Variants in PTPRJ observed in about 807,000 individuals in gnomAD.
The protein encoded by PTPRJ is receptor-type tyrosine-protein phosphatase eta.
PTPRJ carries 129 observed loss-of-function variants against 141.3 expected under a neutral mutation model. The ratio of observed to expected loss-of-function variants is 0.91; its 90% CI spans 0.79 to 1.06. The LOEUF (loss-of-function observed/expected upper bound fraction) is 1.06, where lower values mean the gene tolerates loss of function less well. Among genes scored for constraint, PTPRJ ranks in the 50% least tolerant of loss-of-function variants. The pLI is 0.00. For synonymous variants in PTPRJ, 610 were observed against 640.5 expected (o/e 0.95, Z 0.72); for missense variants, 1,601 against 1,679.7 (o/e 0.95, Z 0.82).
intron 1 of PTPRJ, among the ~76,000 whole-genome samples, chr11:48,093,957 A>G (rs1855937692): frequency 6.6e-6 from 1 of 152,240 alleles, no homozygotes; most frequent in African/African-American, 2.4e-5. Flanking sequence ...AAAGCCCAGC[A>G]TTAACTGCTG....
chr11:48,086,851 T>C (rs556347862), intron 1 of PTPRJ, among the ~76,000 whole-genome samples: 5 of 152,352 alleles, frequency 3.3e-5, no homozygotes, highest in Admixed American at 6.5e-5. Flanking sequence ...CCATGAAATA[T>C]GTTCAGTCTG....
At chr11:48,044,334 T>A (rs1854339517) in intron 1 of PTPRJ, among the ~76,000 whole-genome samples, 1 of 152,094 alleles carries the variant, frequency 6.6e-6, no homozygotes, top group African/African-American at 2.4e-5. Flanking sequence ...AGGGCCACTG[T>A]ATGGTTGGGC....
At chr11:48,142,167 T>C (rs1453297270) in intron 11 of PTPRJ, among the ~76,000 whole-genome samples, 1 of 152,168 alleles carries the variant, frequency 6.6e-6, no homozygotes. Context: ...TATGTGAGAG[T>C]TTAATTCTGG....
At chr11:48,001,044 C>G (rs1348591957) in intron 1 of PTPRJ, among the ~76,000 whole-genome samples, 1 of 143,640 alleles carries the variant, frequency 7.0e-6, no homozygotes, top group South Asian at 2.2e-4. Flanking sequence ...CGCCCAGGCT[C>G]GAGTACAGTG....
intron 1 of PTPRJ, among the ~76,000 whole-genome samples, chr11:48,097,663 G>A (rs1168879950): frequency 6.6e-6 from 1 of 151,702 alleles, no homozygotes; most frequent in African/African-American, 2.4e-5. Context: ...TCAGCCTCCC[G>A]AGTAGCTGGG....
chr11:48,111,432 T>G (rs1459204462), intron 2 of PTPRJ, among the ~76,000 whole-genome samples: 1 of 151,880 alleles, frequency 6.6e-6, no homozygotes, highest in Non-Finnish European at 1.5e-5. Context: ...AATCTCAGTT[T>G]GTGAGATAAA....
chr11:48,009,292 A>G (rs1331241861), intron 1 of PTPRJ, among the ~76,000 whole-genome samples: 1 of 152,232 alleles, frequency 6.6e-6, no homozygotes, highest in East Asian at 1.9e-4. Flanking sequence ...AAAGTAAAGT[A>G]TAAACCTAAT....
rs777464558 is a variant in PTPRJ at position 48,123,684 on chromosome 11, G to A, written c.688G>A (p.Gly230Ser). The A allele has an allele frequency of 6.2e-7, 1 of 1,614,016 alleles. No homozygotes were observed. Among genetic ancestry groups the A allele is most frequent in the Non-Finnish European group, 8.5e-7 (1 of 1,180,014 alleles). ...GAAGGCTGCTCTCTCCTGGAGCAAT[G>A]GCAATGGCACTGCCTCCTGCCGGGT... ...VRKAALSWSN[G>S]NGTASCRVLL... The change falls in exon 5 of 25, where the codon GGC (glycine) becomes AGC (serine). Residue 230 changes from glycine to serine, a missense_variant. By Grantham distance (56) the Gly-to-Ser change is moderately conservative. Transcript: ENST00000418331.
intron 24 of PTPRJ, among the ~76,000 whole-genome samples, chr11:48,165,684 G>T (rs542748517): frequency 1.3e-5 from 2 of 152,066 alleles, no homozygotes; most frequent in African/African-American, 2.4e-5. Flanking sequence ...CTCCTGTGTT[G>T]GTCAAAAGAG....
At chr11:48,039,463 T>TGG (rs201710385) in intron 1 of PTPRJ, among the ~76,000 whole-genome samples, 59 of 108,900 alleles carry the variant, frequency 5.4e-4, no homozygotes, top group African/African-American at 2.4e-3. Flanking sequence ...TACAACACTA[T>TGG]GGTGTGTGTG....
chr11:48,048,411 A>G (rs1854464336), intron 1 of PTPRJ, among the ~76,000 whole-genome samples: 1 of 152,176 alleles, frequency 6.6e-6, no homozygotes, highest in African/African-American at 2.4e-5. Flanking sequence ...TACGGCCATG[A>G]TGACTGCTGC....
intron 1 of PTPRJ, among the ~76,000 whole-genome samples, chr11:48,053,250 AAT>A (rs34549630): frequency 0.01 from 860 of 84,142 alleles, 4 homozygotes; most frequent in Non-Finnish European, 0.013. Flanking sequence ...ATATTTATAT[AAT>A]ATATATAATA....
intron 1 of PTPRJ, among the ~76,000 whole-genome samples, chr11:48,064,751 C>T (rs1224975788): frequency 6.7e-6 from 1 of 150,198 alleles, no homozygotes; most frequent in Non-Finnish European, 1.5e-5. Context: ...TTACAGGCGC[C>T]CACCACGGGC....
rs373265053 is a variant in PTPRJ at position 48,146,863 on chromosome 11, G to C, written c.2912-13G>C. On this transcript the variant is annotated splice_polypyrimidine_tract_variant and intron_variant, in intron 14 of 24. Coordinates refer to ENST00000418331, the MANE Select transcript of PTPRJ (RefSeq NM_002843.4). ...ACACCTCTTGAAGTGTCTCCCATTT[G>C]GACTTTTCTCAGGTGTCATCTGTGG... 21 of 1,612,522 alleles carry C rather than the reference G, an allele frequency of 1.3e-5. No homozygotes were observed. Among genetic ancestry groups the C allele is most frequent in the Non-Finnish European group, 1.7e-5 (20 of 1,178,738 alleles).
At chr11:48,163,745 G>A (rs1159577744) in intron 23 of PTPRJ, 127 bp downstream of exon 23, 1 of 1,171,604 alleles carries the variant, frequency 8.5e-7, no homozygotes, top group Non-Finnish European at 1.2e-6. Context: ...GTTTGGATAA[G>A]GAACCATGGA....
chr11:48,151,202 T>C (rs937324158), intron 18 of PTPRJ, among the ~76,000 whole-genome samples: 1 of 152,062 alleles, frequency 6.6e-6, no homozygotes, highest in Admixed American at 6.6e-5. Context: ...AATTAAGGTG[T>C]GGGCAGGGTC....
At chr11:48,140,053 A>G (rs190356997) in intron 11 of PTPRJ, among the ~76,000 whole-genome samples, 146 of 152,130 alleles carry the variant, frequency 9.6e-4, no homozygotes, top group African/African-American at 3.4e-3. Context: ...TATTTTTTTG[A>G]GATGGAGTCT....
At chr11:48,082,410 A>AT (rs386373791) in intron 1 of PTPRJ, among the ~76,000 whole-genome samples, 7,665 of 125,206 alleles carry the variant, frequency 0.061, 329 homozygotes, top group African/African-American at 0.08. Flanking sequence ...TACCTGGCAA[A>AT]TTTTTTTTTT....
In PTPRJ at chr11:48,125,081, G is replaced by A. The variant is rs1198605517; in HGVS notation, c.988G>A (p.Val330Ile). The change falls in exon 6 of 25, where the codon GTC (valine) becomes ATC (isoleucine). Residue 330 changes from valine to isoleucine, a missense_variant. By Grantham distance (29) the Val-to-Ile change is conservative. Coordinates refer to ENST00000418331, the MANE Select transcript of PTPRJ (RefSeq NM_002843.4). Reference sequence around the variant, plus strand: ...CGGCCAGCAGTCCCGAGACACGGAAGTCCTGCTTGTCGGGTTAGAGCCTGG... The same window carrying A: ...CGGCCAGCAGTCCCGAGACACGGAAATCCTGCTTGTCGGGTTAGAGCCTGG... ...SSGQQSRDTE[V>I]LLVGLEPGTR... 1.9e-6 allele frequency: 3 copies of A among 1,613,974 alleles called. No homozygotes were observed. Among genetic ancestry groups the A allele is most frequent in the African/African-American group, 1.3e-5 (1 of 74,900 alleles).
Sources: allele counts gnomAD v4.1 joint callset (sites outside exome capture counted in the v4.1 genomes callset), GRCh38; gene constraint gnomAD v4.1.1; transcripts MANE v1.5; gene names NCBI Gene and HGNC (gene_info 2026-07-23, HGNC 2026-07-21).